The following FIS1 variants were observed in gnomAD, a reference collection of about 807,000 sequenced individuals.
FIS1 encodes mitochondrial fission 1 protein.
In FIS1, 16 loss-of-function variants were observed where a neutral mutation model predicts 21.6. That is an observed-to-expected ratio of 0.74 (90% CI 0.50 to 1.12). The LOEUF is 1.12. Among genes scored for constraint, FIS1 ranks in the 50% most tolerant of loss-of-function variants. The pLI is 0.00. For synonymous variants in FIS1, 92 were observed against 82.2 expected (o/e 1.12, Z -0.65); for missense variants, 198 against 190.9 (o/e 1.04, Z -0.22).
rs780393859 is a variant in FIS1 at position 101,244,980 on chromosome 7, C to T, written c.25G>A (p.Val9Met). MEAVLNEL[V>M]SVEDLLKFEK... ...CTCACCAGCAGGTCCTCCACAGACA[C>T]CAGCTCGTTCAGCACGGCCTCCATG... The change falls in exon 1 of 5, where the codon GTG becomes ATG. Residue 9 changes from valine to methionine, a missense_variant. Val to Met is a conservative substitution (Grantham distance 21). Coordinates refer to ENST00000223136, the MANE Select transcript of FIS1 (RefSeq NM_016068.3). 1.2e-6 allele frequency: 2 copies of T among 1,614,070 alleles called. No individual in the cohort carries two copies. Among genetic ancestry groups the T allele is most frequent in the Non-Finnish European group, 1.7e-6 (2 of 1,179,960 alleles).
At chr7:101,242,466 A>T in intron 2 of FIS1, among the ~76,000 whole-genome samples, 1 of 151,090 alleles carries the variant, frequency 6.6e-6, no homozygotes, top group East Asian at 1.9e-4. Flanking sequence ...GTATCTTTTA[A>T]GAAAGAGTCT....
chr7:101,244,495 C>T (rs1798787977), intron 1 of FIS1: 1 of 342,066 alleles, frequency 2.9e-6, no homozygotes. Context: ...CTGCTGGCCC[C>T]ATCCTGCCCC....
chr7:101,244,279 C>T, intron 1 of FIS1, 140 bp from the exon 2 acceptor site: 1 of 1,191,450 alleles, frequency 8.4e-7, no homozygotes, highest in African/African-American at 1.6e-5. Flanking sequence ...ATCTCCATGC[C>T]CGGGACCCAG....
rs1052355543 is a variant in FIS1 at position 101,242,491 on chromosome 7, T to A, written c.178+1516A>T. Among the ~76,000 whole-genome samples, 136 of 149,456 alleles carry A rather than the reference T, an allele frequency of 9.1e-4. 1 individual carries two copies. The highest frequency in any genetic ancestry group is 3.1e-3 in the African/African-American group (125 of 40,904). On this transcript the variant is annotated intron_variant, in intron 2 of 4. Transcript: ENST00000223136. ...AGAAAGAGTCTTATTTTTATAGTTT[T>A]TTTTTTTTTTTTTTTGAGACGGAGT...
intron 2 of FIS1, 64 bp downstream of exon 2, chr7:101,243,943 C>T: frequency 6.5e-7 from 1 of 1,549,102 alleles, no homozygotes; most frequent in Non-Finnish European, 8.8e-7. Context: ...GGTGCCTGGA[C>T]TACGGGGCCC....
intron 4 of FIS1, 118 bp downstream of exon 4, chr7:101,240,024 C>A: frequency 2.1e-6 from 3 of 1,413,032 alleles, no homozygotes; most frequent in South Asian, 1.2e-5. Flanking sequence ...GGGCAAGGGG[C>A]TCTAAGAACT....
rs1289722877 is a variant in FIS1 at position 101,240,871 on chromosome 7, C to T, written c.214G>A (p.Asp72Asn). The T allele has an allele frequency of 6.2e-7, 1 of 1,614,142 alleles. No individual in the cohort carries two copies. The change falls in exon 3 of 5, where the codon GAT (aspartate) becomes AAT (asparagine). Residue 72 changes from aspartate (D) to asparagine (N), a missense_variant. By Grantham distance (23) the Asp-to-Asn change is conservative. Coordinates refer to ENST00000223136, the MANE Select transcript of FIS1 (RefSeq NM_016068.3). ...LPKGSKEEQR[D>N]YVFYLAVGNY... is the part of the protein sequence containing the mutation. ...CCCACGGCCAGGTAGAAGACGTAAT[C>T]CCGCTGTTCCTCCTTGCTCCCTTTG...
intron 2 of FIS1, among the ~76,000 whole-genome samples, chr7:101,243,175 G>A (rs1798770749): frequency 6.6e-6 from 1 of 152,164 alleles, no homozygotes; most frequent in Non-Finnish European, 1.5e-5. Context: ...GCTTATAAAT[G>A]ATTATTTGAA....
chr7:101,244,464 C>T (rs1050528254), intron 1 of FIS1: 18 of 358,548 alleles, frequency 5.0e-5, no homozygotes, highest in East Asian at 1.2e-4. Context: ...GCTCAACAGC[C>T]CACGCGGTCC....
chr7:101,245,051 T>C lies in FIS1; in HGVS notation c.-47A>G, dbSNP rs550804641. On this transcript the variant is annotated 5_prime_UTR_variant, in exon 1 of 5. Coordinates refer to ENST00000223136, the MANE Select transcript of FIS1 (RefSeq NM_016068.3). ...CACACTACAGTCTACTGTGCCACAG[T>C]CTCCATGGCCCAGTGGCAGGGGCGG... The C allele has an allele frequency of 1.6e-5, 25 of 1,601,086 alleles. No homozygotes were observed. The South Asian group carries it at 2.1e-4, about 14-fold the overall frequency.
chr7:101,243,889 A>T, intron 2 of FIS1, 118 bp downstream of exon 2: 2 of 1,314,718 alleles, frequency 1.5e-6, no homozygotes, highest in Non-Finnish European at 2.0e-6. Flanking sequence ...ACGTCAAGCT[A>T]AGTATAGCCC....
rs189750246 is a variant in FIS1, at chr7:101,242,426, G to A, written c.179-1520C>T. 4.6e-5 allele frequency among the ~76,000 whole-genome samples: 7 copies of A among 151,896 alleles called. No homozygotes were observed. In the East Asian group the frequency reaches 1.3e-3, roughly 29 times the overall value. ...AATAAACCTGAAAATCTGAATTGCC[G>A]AAGTAGACAAACATAGGGTAAAATT... On this transcript the variant is annotated intron_variant, in intron 2 of 4. Transcript: ENST00000223136.
At position 101,240,011 on chromosome 7, in the gene FIS1, G is replaced by GC; in HGVS notation, c.362-109dup. On this transcript the variant is annotated intron_variant, in intron 4 of 4. Transcript: ENST00000223136. The stretch of plus-strand genomic sequence containing the variant: ...CAGAGGCACACCCCTACCTGGAGTC[G>GC]CAGGGCAAGGGGCTCTAAGAACTGG... The GC allele has an allele frequency of 7.9e-6, 11 of 1,400,460 alleles. 2 individuals carry two copies. The South Asian group carries it at 1.2e-4, about 16-fold the overall frequency. The allele number at this position is 1,400,460 out of a possible 1,614,324, so 86.8% of individuals were successfully genotyped here.
rs1051468 is a variant in FIS1 at position 101,239,691 on chromosome 7, G to C, written c.*115C>G. The C allele has an allele frequency of 1.2e-6, 1 of 866,150 alleles. No homozygotes were observed. The highest frequency in any genetic ancestry group is 1.9e-6 in the Non-Finnish European group (1 of 525,056). The allele number at this position is 866,150 out of a possible 1,614,324, so 53.7% of individuals were successfully genotyped here. On this transcript the variant is annotated 3_prime_UTR_variant, in exon 5 of 5. Coordinates refer to ENST00000223136, the MANE Select transcript of FIS1 (RefSeq NM_016068.3). ...CTGAAGGACGAATCTCAGGGGAGCA[G>C]AAATTAGCTGAAGGCCACAGAGGAT...
At chr7:101,244,728 C>G (rs188723552) in intron 1 of FIS1, 2 of 581,268 alleles carry the variant, frequency 3.4e-6, no homozygotes, top group Admixed American at 3.0e-5. Context: ...CACGGTCGGG[C>G]TCCAGGCCCG....
chr7:101,243,592 A>G lies in FIS1; in HGVS notation c.178+415T>C, dbSNP rs370547995. Among the ~76,000 whole-genome samples the G allele has an allele frequency of 5.9e-5, 9 of 152,324 alleles. No individual in the cohort carries two copies. In the East Asian group the frequency reaches 1.5e-3, roughly 26 times the overall value. ...TCCGTCTCAAACAAAAACAAAAAAC[A>G]AAAAGCACTATCTGCTCACAATTTT... On this transcript the variant is annotated intron_variant, in intron 2 of 4. Coordinates refer to ENST00000223136, the MANE Select transcript of FIS1 (RefSeq NM_016068.3).
chr7:101,243,437 G>A (rs1374412447), intron 2 of FIS1, among the ~76,000 whole-genome samples: 19 of 152,148 alleles, frequency 1.2e-4, no homozygotes, highest in Admixed American at 3.9e-4. Context: ...TTAGCTGGGC[G>A]TGGTAGTGGG....
At chr7:101,244,186 C>T (rs773290803) in intron 1 of FIS1, 47 bp from the exon 2 acceptor site, 1 of 1,592,086 alleles carries the variant, frequency 6.3e-7, no homozygotes, top group South Asian at 1.1e-5. Flanking sequence ...AGGGCGTCAA[C>T]CATTCTCTAT....
At chr7:101,242,487 G>GATT (rs535619243) in intron 2 of FIS1, among the ~76,000 whole-genome samples, 2 of 131,916 alleles carry the variant, frequency 1.5e-5, no homozygotes, top group Non-Finnish European at 1.6e-5. Context: ...TATTTTTATA[G>GATT]TTTTTTTTTT....
Sources: gnomAD v4.1 joint callset for allele counts (sites outside exome capture counted in the v4.1 genomes callset) on GRCh38, gnomAD v4.1.1 for gene constraint, MANE v1.5 for transcripts, NCBI Gene and HGNC (gene_info 2026-07-23, HGNC 2026-07-21) for gene names.